NRXN3: variants seen among roughly 807,000 people sequenced by gnomAD.
The protein encoded by NRXN3 is neurexin 3, also known as neurexin III.
A neutral mutation model predicts 137.6 loss-of-function variants in NRXN3; 32 were observed. The observed-to-expected ratio is 0.23, with a 90% CI of 0.18 to 0.31. The LOEUF is 0.31. Among genes scored for constraint, NRXN3 ranks in the 10% least tolerant of loss-of-function variants. The pLI, the probability that NRXN3 is intolerant of heterozygous loss-of-function variation, is 1.00. For missense variants in NRXN3, 1,574 were observed against 2,062.5 expected, an observed-to-expected ratio of 0.76 and a Z score of 4.59; for synonymous variants, 798 against 784.5, an observed-to-expected ratio of 1.02 and a Z score of -0.29.
chr14:79,137,621 C>T (rs949343657), intron 15 of NRXN3, among the ~76,000 whole-genome samples: 3 of 151,996 alleles, frequency 2.0e-5, no homozygotes, highest in African/African-American at 7.3e-5. Context: ...TATAGTAGTG[C>T]CTTTATTTTC....
chr14:79,681,502 G>T (rs529310354), intron 17 of NRXN3, among the ~76,000 whole-genome samples: 1 of 152,088 alleles, frequency 6.6e-6, no homozygotes, highest in African/African-American at 2.4e-5. Context: ...CACATGGCTG[G>T]GTTTCTTTTC....
intron 15 of NRXN3, among the ~76,000 whole-genome samples, chr14:79,308,233 C>A (rs2153227805): frequency 6.6e-6 from 1 of 152,174 alleles, no homozygotes; most frequent in South Asian, 2.1e-4. Flanking sequence ...CTCATAATAC[C>A]ATCTTTGTCC....
At chr14:79,077,063 C>T (rs893186317) in intron 15 of NRXN3, among the ~76,000 whole-genome samples, 3 of 152,122 alleles carry the variant, frequency 2.0e-5, no homozygotes, top group African/African-American at 7.2e-5. Context: ...CAGTTATCGT[C>T]AAGGGAATGG....
chr14:79,394,273 T>C (rs1220387981), intron 15 of NRXN3, among the ~76,000 whole-genome samples: 1 of 152,200 alleles, frequency 6.6e-6, no homozygotes, highest in East Asian at 1.9e-4. Flanking sequence ...ATGATGATAA[T>C]AATAACAGCA....
chr14:79,443,169 C>G (rs981947433), intron 15 of NRXN3, among the ~76,000 whole-genome samples: 2 of 152,178 alleles, frequency 1.3e-5, no homozygotes, highest in Non-Finnish European at 2.9e-5. Flanking sequence ...AGCAGAGACC[C>G]TTAGAGTTCA....
At chr14:79,221,044 G>A (rs2069542547) in intron 15 of NRXN3, among the ~76,000 whole-genome samples, 1 of 151,978 alleles carries the variant, frequency 6.6e-6, no homozygotes, top group African/African-American at 2.4e-5. Context: ...GAGAATGATG[G>A]TTTCCAGCTT....
intron 4 of NRXN3, among the ~76,000 whole-genome samples, chr14:78,637,245 T>C (rs2097575172): frequency 6.6e-6 from 1 of 152,234 alleles, no homozygotes; most frequent in Non-Finnish European, 1.5e-5. Flanking sequence ...TACTCTGTGC[T>C]CTTCTAATGA....
intron 16 of NRXN3, among the ~76,000 whole-genome samples, chr14:79,513,193 C>G (rs750627208): frequency 2.6e-5 from 4 of 152,182 alleles, no homozygotes; most frequent in Non-Finnish European, 4.4e-5. Context: ...CATTGGAAAG[C>G]TATCTTTTGC....
At chr14:79,099,524 T>A (rs1056193677) in intron 15 of NRXN3, among the ~76,000 whole-genome samples, 1 of 152,206 alleles carries the variant, frequency 6.6e-6, no homozygotes, top group African/African-American at 2.4e-5. Flanking sequence ...AGTATATTTT[T>A]AAAATGTTAT....
At chr14:79,797,839 T>C (rs2099165569) in intron 19 of NRXN3, among the ~76,000 whole-genome samples, 1 of 152,108 alleles carries the variant, frequency 6.6e-6, no homozygotes, top group African/African-American at 2.4e-5. Context: ...ATGCCTGTAG[T>C]CCCAGCACTT....
chr14:78,189,735 G>C (rs550456753), intron 1 of NRXN3, among the ~76,000 whole-genome samples: 1 of 152,090 alleles, frequency 6.6e-6, no homozygotes, highest in East Asian at 1.9e-4. Context: ...ACAGGCATGC[G>C]CCACCACACC....
intron 4 of NRXN3, chr14:78,403,919 A>G (rs1354803526): frequency 1.4e-5 from 14 of 975,130 alleles, no homozygotes; most frequent in Non-Finnish European, 1.6e-5. Context: ...AAGATATGTG[A>G]GCTGCGGTGG....
chr14:79,579,364 A>G (rs1602390297), intron 16 of NRXN3, among the ~76,000 whole-genome samples: 1 of 147,428 alleles, frequency 6.8e-6, no homozygotes, highest in East Asian at 2.0e-4. Context: ...ATATATATAT[A>G]TATAATATAT....
intron 19 of NRXN3, among the ~76,000 whole-genome samples, chr14:79,745,762 C>CA (rs753756407): frequency 3.7e-5 from 5 of 135,680 alleles, no homozygotes; most frequent in Admixed American, 7.6e-5. Context: ...CTCCCCCCTG[C>CA]AATCTGCAGG....
rs1430295140 is a variant in NRXN3, at chr14:78,926,898, ATAATATATATAAT to A, written c.2276-30343_2276-30331del. 7.4e-3 allele frequency among the ~76,000 whole-genome samples: 199 copies of A among 27,044 alleles called. 54 individuals carry two copies. The highest frequency in any genetic ancestry group is 0.057 in the African/African-American group (189 of 3,342). 17.7% of individuals were successfully genotyped at this position (27,044 alleles called of 152,430 possible). A position where few individuals can be genotyped will look rare whatever the true frequency, so the allele number is the denominator to read the frequency against. ...ATATATAATATATTTATATATATAT[ATAATATATATAAT>A]ATATATATAATATATAATATATTTA... On this transcript the variant is annotated intron_variant, in intron 10 of 20. Coordinates refer to ENST00000335750, the MANE Select transcript of NRXN3 (RefSeq NM_001330195.2).
chr14:78,864,437 G>A (rs919058142), intron 10 of NRXN3, among the ~76,000 whole-genome samples: 6 of 152,098 alleles, frequency 3.9e-5, no homozygotes, highest in African/African-American at 1.4e-4. Context: ...AAAGTTTAGG[G>A]CAGAAACTGA....
chr14:78,745,782 A>T (rs1490787144), intron 8 of NRXN3, among the ~76,000 whole-genome samples: 1 of 152,320 alleles, frequency 6.6e-6, no homozygotes, highest in Non-Finnish European at 1.5e-5. Context: ...TGATTAAAAA[A>T]TATTTAATTT....
Position 78,966,240 on chromosome 14 carries a change from G to A in NRXN3, c.2611G>A (p.Asp871Asn). The change falls in exon 12 of 21, where the codon GAC (aspartate) becomes AAC (asparagine). Residue 871 changes from aspartate (D) to asparagine (N), a missense_variant. Physicochemically the swap from Asp to Asn is conservative, Grantham distance 23. Around this residue, in one of 5 missense-constraint regions of NRXN3, gnomAD observed 718 missense variants for 887.6 expected, o/e 0.81. Transcript: ENST00000335750. ...ARFGLRNIIA[D>N]PVTFKTKSSY... is the part of the protein sequence containing the mutation. ...TTTTGGACTGAGGAACATCATCGCT[G>A]ACCCTGTCACCTTTAAGACCAAGAG... 2 of 1,614,148 alleles carry A rather than the reference G, an allele frequency of 1.2e-6. No individual in the cohort carries two copies. The highest frequency in any genetic ancestry group is 1.7e-6 in the Non-Finnish European group (2 of 1,180,022).
At position 78,723,238 on chromosome 14, in the gene NRXN3, A is replaced by G. The variant is rs999517009; in HGVS notation, c.2044+8099A>G. Among the ~76,000 whole-genome samples, 3 of 152,230 alleles carry G rather than the reference A, an allele frequency of 2.0e-5. No homozygotes were observed. The South Asian group carries it at 6.2e-4, about 32-fold the overall frequency. On this transcript the variant is annotated intron_variant, in intron 8 of 20. Coordinates refer to ENST00000335750, the MANE Select transcript of NRXN3 (RefSeq NM_001330195.2). The stretch of plus-strand genomic sequence containing the variant: ...AGACAGGAGACCAACAGGTCAGCAT[A>G]TAATAGTCCAGTTTGCATTGGTATT...
Sources: gnomAD v4.1 joint callset for allele counts (sites outside exome capture counted in the v4.1 genomes callset) on GRCh38, gnomAD v4.1.1 for gene constraint, gnomAD v4.1.1 regional missense constraint, MANE v1.5 for transcripts, NCBI Gene and HGNC (gene_info 2026-07-23, HGNC 2026-07-21) for gene names.